Variants in OR6N1 observed in about 807,000 individuals in gnomAD.
OR6N1 encodes olfactory receptor family 6 subfamily N member 1, also known as olfactory receptor 6N1.
For synonymous variants in OR6N1, 170 were observed against 150.7 expected, an observed-to-expected ratio of 1.13 and a Z score of -0.94; for missense variants, 394 against 371.7, an observed-to-expected ratio of 1.06 and a Z score of -0.49.
At chr1:158,825,760 C>T in the OR6N1 span, among the ~76,000 whole-genome samples, 20 of 152,150 alleles carry the variant, frequency 1.3e-4, no homozygotes, top group African/African-American at 4.6e-4. Context: ...TTTGACCCAG[C>T]AATCCCATTA....
chr1:158,801,742 T>G, the OR6N1 span, among the ~76,000 whole-genome samples: 2 of 152,186 alleles, frequency 1.3e-5, no homozygotes, highest in African/African-American at 2.4e-5. Flanking sequence ...AGGGTGGATA[T>G]GGAGTTGGGT....
the OR6N1 span, among the ~76,000 whole-genome samples, chr1:158,782,336 T>C: frequency 2.0e-5 from 3 of 152,224 alleles, no homozygotes; most frequent in African/African-American, 7.2e-5. Flanking sequence ...TAATTAACTT[T>C]GCCTAAGTGA....
At chr1:158,828,167 A>C in the OR6N1 span, among the ~76,000 whole-genome samples, 2 of 152,124 alleles carry the variant, frequency 1.3e-5, no homozygotes, top group Non-Finnish European at 2.9e-5. Context: ...GAGCCAAACC[A>C]TATCATTCTA....
At chr1:158,787,876 T>C in the OR6N1 span, among the ~76,000 whole-genome samples, 1 of 152,182 alleles carries the variant, frequency 6.6e-6, no homozygotes, top group Non-Finnish European at 1.5e-5. Context: ...ATGCACTTAC[T>C]AATACAGAGA....
chr1:158,807,134 C>T, the OR6N1 span, among the ~76,000 whole-genome samples: 5 of 151,686 alleles, frequency 3.3e-5, no homozygotes, highest in South Asian at 1.0e-3. Context: ...AGGAGGGTAA[C>T]TCAGTCAGCT....
the OR6N1 span, among the ~76,000 whole-genome samples, chr1:158,830,845 T>C: frequency 6.6e-6 from 1 of 152,248 alleles, no homozygotes; most frequent in African/African-American, 2.4e-5. Flanking sequence ...ATAATGACTT[T>C]CTGCCTCTGT....
the OR6N1 span, among the ~76,000 whole-genome samples, chr1:158,814,264 T>C: frequency 1.8e-3 from 279 of 152,296 alleles, 2 homozygotes; most frequent in Middle Eastern, 6.8e-3. Context: ...TATATGTATA[T>C]TATATGTATA....
At chr1:158,780,637 G>T in the OR6N1 span, among the ~76,000 whole-genome samples, 1 of 152,120 alleles carries the variant, frequency 6.6e-6, no homozygotes, top group Non-Finnish European at 1.5e-5. Context: ...CTAACACAAA[G>T]CCTATTTTAT....
chr1:158,813,227 T>G, the OR6N1 span, among the ~76,000 whole-genome samples: 1 of 152,230 alleles, frequency 6.6e-6, no homozygotes, highest in Non-Finnish European at 1.5e-5. Context: ...TACACATTTA[T>G]TTGTATTATG....
At chr1:158,833,522 C>A in the OR6N1 span, among the ~76,000 whole-genome samples, 1 of 152,152 alleles carries the variant, frequency 6.6e-6, no homozygotes, top group Non-Finnish European at 1.5e-5. Flanking sequence ...ATCATTCTAC[C>A]TTCTTTCCCC....
At chr1:158,773,359 T>C (rs900616711), upstream of OR6N1, among the ~76,000 whole-genome samples, 1 of 152,190 alleles carries the variant, frequency 6.6e-6, no homozygotes, top group East Asian at 1.9e-4. Flanking sequence ...TAAATCCCTA[T>C]AAGGCAATTA....
At chr1:158,838,849 G>T in the OR6N1 span, among the ~76,000 whole-genome samples, 1 of 152,076 alleles carries the variant, frequency 6.6e-6, no homozygotes, top group African/African-American at 2.4e-5. Flanking sequence ...CTGCCTATTG[G>T]TGTGGGCTGA....
the OR6N1 span, among the ~76,000 whole-genome samples, chr1:158,787,588 T>TTC: frequency 0.022 from 2,748 of 125,802 alleles, 104 homozygotes; most frequent in African/African-American, 0.081. Context: ...TGTATATACT[T>TTC]TCTCTCTCTC....
At chr1:158,772,310 C>G (rs909820022), upstream of OR6N1, 7 of 152,118 alleles carry the variant, frequency 4.6e-5, no homozygotes, top group Admixed American at 2.0e-4. Context: ...CTCCTGGGGT[C>G]ACTAAAGTGC....
chr1:158,789,811 T>TC, the OR6N1 span, among the ~76,000 whole-genome samples: 1 of 152,240 alleles, frequency 6.6e-6, no homozygotes, highest in Admixed American at 6.5e-5. Context: ...GTTGATTGTT[T>TC]CCTTTGCTGT....
the OR6N1 span, among the ~76,000 whole-genome samples, chr1:158,790,520 T>A: frequency 2.0e-5 from 3 of 151,124 alleles, no homozygotes. Flanking sequence ...TTCTCCTGCC[T>A]CAGCCTCCCA....
chr1:158,766,163 T>C lies in OR6N1; in HGVS notation c.520A>G (p.Ile174Val). ...SRLPFCGPNR[I>V]QHVFCDFPPV... The stretch of plus-strand genomic sequence containing the variant: ...GGGAAGTCACAAAAGACGTGCTGAA[T>C]GCGATTGGGGCCACAGAATGGGAGG... Residue 174 changes from isoleucine to valine, a missense_variant, in exon 2 of 2, where the codon ATT (isoleucine) becomes GTT (valine). Transcript: ENST00000641846. The C allele has an allele frequency of 6.2e-7, 1 of 1,614,134 alleles. No individual in the cohort carries two copies. Among genetic ancestry groups the C allele is most frequent in the Non-Finnish European group, 8.5e-7 (1 of 1,180,028 alleles).
upstream of OR6N1, chr1:158,774,448 C>T (rs979174076): frequency 1.3e-5 from 2 of 152,150 alleles, no homozygotes; most frequent in African/African-American, 2.4e-5. Flanking sequence ...CCCATTCCCA[C>T]AGCTCAGGAA....
the OR6N1 span, among the ~76,000 whole-genome samples, chr1:158,810,453 A>C: frequency 2.0e-5 from 3 of 152,122 alleles, no homozygotes; most frequent in Non-Finnish European, 4.4e-5. Context: ...TGGAGTTGCT[A>C]AGTGTGTAAA....
Sources: allele counts gnomAD v4.1 joint callset (sites outside exome capture counted in the v4.1 genomes callset), GRCh38; gene constraint gnomAD v4.1.1; transcripts MANE v1.5; gene names NCBI Gene and HGNC (gene_info 2026-07-23, HGNC 2026-07-21).